The following DLG2 variants were observed in gnomAD, a reference collection of about 807,000 sequenced individuals.
DLG2 encodes the protein discs large MAGUK scaffold protein 2.
Under a neutral mutation model 132.5 loss-of-function variants are expected in DLG2, and 45 were observed. The ratio of observed to expected loss-of-function variants is 0.34; its 90% CI spans 0.27 to 0.44. DLG2 has a LOEUF of 0.44. Ranked by LOEUF, DLG2 falls within the 20% of genes least tolerant of loss-of-function variation. The pLI, the probability that DLG2 is intolerant of heterozygous loss-of-function variation, is 1.00. For missense variants in DLG2, 1,045 were observed against 1,196.9 expected (o/e 0.87, Z 1.87); for synonymous variants, 424 against 419.6 (o/e 1.01, Z -0.13).
chr11:85,215,362 C>A (rs1374650937), intron 4 of DLG2, among the ~76,000 whole-genome samples: 1 of 152,136 alleles, frequency 6.6e-6, no homozygotes, highest in Non-Finnish European at 1.5e-5. Context: ...CTCTTTTTCT[C>A]AAATACTTTC....
At chr11:84,584,251 T>G (rs2099523602) in intron 6 of DLG2, among the ~76,000 whole-genome samples, 1 of 152,198 alleles carries the variant, frequency 6.6e-6, no homozygotes, top group Admixed American at 6.5e-5. Context: ...TTGGATTCCT[T>G]TCTTATACGT....
chr11:85,510,546 T>A (rs901639447), intron 3 of DLG2, among the ~76,000 whole-genome samples: 1 of 151,480 alleles, frequency 6.6e-6, no homozygotes, highest in African/African-American at 2.4e-5. Flanking sequence ...AACAACCCCA[T>A]CAAAAAGTCG....
At chr11:85,566,987 T>C (rs1227553483) in intron 3 of DLG2, among the ~76,000 whole-genome samples, 1 of 152,172 alleles carries the variant, frequency 6.6e-6, no homozygotes, top group African/African-American at 2.4e-5. Flanking sequence ...ACCACACATG[T>C]ATGGTTTTAT....
rs553055895 is a variant in DLG2, at chr11:84,427,503, T to C, written c.519+107067A>G. Among the ~76,000 whole-genome samples the C allele has an allele frequency of 3.6e-4, 55 of 152,034 alleles. 1 individual carries two copies. In the South Asian group the frequency reaches 0.011, roughly 30 times the overall value. The stretch of plus-strand genomic sequence containing the variant: ...TGTGCCAATAAGAGGATTCACAAAA[T>C]GGGTAAAGGACAGAAGTCAACGAAG... On this transcript the variant is annotated intron_variant, in intron 7 of 27. Transcript: ENST00000376104.
intron 16 of DLG2, among the ~76,000 whole-genome samples, chr11:83,870,077 C>G (rs1268553027): frequency 6.6e-6 from 1 of 152,188 alleles, no homozygotes; most frequent in Non-Finnish European, 1.5e-5. Context: ...TGTGCCACCT[C>G]CCCTGAGAAT....
intron 7 of DLG2, among the ~76,000 whole-genome samples, chr11:84,481,733 CA>C (rs1218587267): frequency 2.0e-5 from 3 of 152,156 alleles, no homozygotes; most frequent in Non-Finnish European, 4.4e-5. Flanking sequence ...TCAAATATAG[CA>C]TTTTCTGCAT....
chr11:84,163,343 TG>T (rs1294858261), intron 9 of DLG2, 117 bp downstream of exon 9: 3 of 870,212 alleles, frequency 3.4e-6, no homozygotes, highest in Non-Finnish European at 5.1e-6. Flanking sequence ...GTGAGTCCTG[TG>T]GGAAACTTCC....
At chr11:85,277,130 A>G (rs567185832) in intron 4 of DLG2, among the ~76,000 whole-genome samples, 2 of 152,296 alleles carry the variant, frequency 1.3e-5, no homozygotes, top group East Asian at 3.9e-4. Context: ...TCCAGACAGT[A>G]AAGATTATGC....
At chr11:85,554,388 G>C (rs1430147683) in intron 3 of DLG2, among the ~76,000 whole-genome samples, 2 of 151,808 alleles carry the variant, frequency 1.3e-5, no homozygotes, top group African/African-American at 4.8e-5. Context: ...TTTGAAAACA[G>C]ACAGGCTGGG....
chr11:84,083,757 A>C (rs1003199966), intron 10 of DLG2, among the ~76,000 whole-genome samples: 8 of 152,200 alleles, frequency 5.3e-5, no homozygotes, highest in Admixed American at 4.6e-4. Context: ...CATGAGCCTA[A>C]GAAACTTCTT....
At chr11:84,174,451 C>T (rs1029357827) in intron 8 of DLG2, among the ~76,000 whole-genome samples, 10 of 152,118 alleles carry the variant, frequency 6.6e-5, no homozygotes, top group Non-Finnish European at 1.0e-4. Flanking sequence ...CCCTGTTTCT[C>T]ATCTTCAAAA....
chr11:83,511,854 G>A (rs554533444), intron 21 of DLG2, among the ~76,000 whole-genome samples: 2 of 151,848 alleles, frequency 1.3e-5, no homozygotes, highest in Admixed American at 6.6e-5. Flanking sequence ...AGGAGCCACT[G>A]CACCTGGCTT....
At position 83,571,068 on chromosome 11, in the gene DLG2, G is replaced by T. The variant is rs536111285; in HGVS notation, c.1941-29210C>A. On this transcript the variant is annotated intron_variant, in intron 19 of 27. Transcript: ENST00000376104. ...CGGCTAATTTTGTATTTTTAGTAGAGACAGGGTTTCACCATGTTGGTCAGG... is the reference window on the plus strand; with the variant it reads ...CGGCTAATTTTGTATTTTTAGTAGATACAGGGTTTCACCATGTTGGTCAGG... Among the ~76,000 whole-genome samples, 11 of 152,132 alleles carry T rather than the reference G, an allele frequency of 7.2e-5. No individual in the cohort carries two copies. In the East Asian group the frequency reaches 2.1e-3, roughly 29 times the overall value.
intron 6 of DLG2, among the ~76,000 whole-genome samples, chr11:84,663,245 ATATAT>A (rs925077131): frequency 1.2e-4 from 7 of 59,358 alleles, no homozygotes; most frequent in African/African-American, 3.8e-4. Flanking sequence ...ATATATATAT[ATATAT>A]TTTTTTTTCA....
intron 7 of DLG2, among the ~76,000 whole-genome samples, chr11:84,503,309 G>A (rs2099227538): frequency 6.6e-6 from 1 of 152,158 alleles, no homozygotes; most frequent in Non-Finnish European, 1.5e-5. Flanking sequence ...ATGTGTGAAA[G>A]ACCTAATAGT....
intron 11 of DLG2, among the ~76,000 whole-genome samples, chr11:83,995,074 T>C (rs76493496): frequency 6.6e-6 from 1 of 151,936 alleles, no homozygotes; most frequent in Non-Finnish European, 1.5e-5. Flanking sequence ...AGACCTTAGT[T>C]CCAAATAAGG....
chr11:84,345,043 G>T (rs1322312850), intron 7 of DLG2, among the ~76,000 whole-genome samples: 3 of 152,122 alleles, frequency 2.0e-5, no homozygotes. Context: ...TAATATTTGA[G>T]ATCCCTAACC....
At chr11:84,546,026 G>A (rs895598126) in intron 6 of DLG2, among the ~76,000 whole-genome samples, 11 of 152,144 alleles carry the variant, frequency 7.2e-5, no homozygotes, top group Non-Finnish European at 1.3e-4. Flanking sequence ...GAAGTGCTGG[G>A]ATTGTGAGAG....
At chr11:85,428,064 C>T (rs1199259014) in intron 3 of DLG2, among the ~76,000 whole-genome samples, 3 of 152,178 alleles carry the variant, frequency 2.0e-5, no homozygotes, top group Admixed American at 6.5e-5. Flanking sequence ...ATCAATTCAA[C>T]AAGAAGAGCT....
Sources: gnomAD v4.1 joint callset for allele counts (sites outside exome capture counted in the v4.1 genomes callset) on GRCh38, gnomAD v4.1.1 for gene constraint, MANE v1.5 for transcripts, NCBI Gene and HGNC (gene_info 2026-07-23, HGNC 2026-07-21) for gene names.